The following ANO3 variants were observed in gnomAD, a reference collection of about 807,000 sequenced individuals.
ANO3 encodes the protein anoctamin 3.
ANO3 carries 99 observed loss-of-function variants against 144.8 expected under a neutral mutation model. That is an observed-to-expected ratio of 0.68 (90% CI 0.58 to 0.81). The LOEUF is 0.81. Among genes scored for constraint, ANO3 ranks in the 30% least tolerant of loss-of-function variants. ANO3 has a pLI of 0.00. For synonymous variants in ANO3, 414 were observed against 392.6 expected, an observed-to-expected ratio of 1.05 and a Z score of -0.64; for missense variants, 905 against 1,202.2, an observed-to-expected ratio of 0.75 and a Z score of 3.66.
At chr11:26,519,050 A>G (rs1861966683) in intron 6 of ANO3, among the ~76,000 whole-genome samples, 1 of 152,198 alleles carries the variant, frequency 6.6e-6, no homozygotes, top group African/African-American at 2.4e-5. Flanking sequence ...GAAAAAATCT[A>G]ATAAATTAAT....
chr11:26,422,982 G>A (rs16915665), intron 1 of ANO3, among the ~76,000 whole-genome samples: 24,258 of 151,842 alleles, frequency 0.16, 2,130 homozygotes, highest in South Asian at 0.3. Flanking sequence ...AAAAAGCACC[G>A]CATTAAAGAT....
chr11:26,499,229 T>C (rs537894570), intron 4 of ANO3, among the ~76,000 whole-genome samples: 1 of 151,990 alleles, frequency 6.6e-6, no homozygotes, highest in South Asian at 2.1e-4. Context: ...AAATATATTC[T>C]AGTTGTAACT....
At chr11:26,637,961 G>A (rs57832010) in intron 20 of ANO3, among the ~76,000 whole-genome samples, 177 of 152,134 alleles carry the variant, frequency 1.2e-3, no homozygotes, top group African/African-American at 4.2e-3. Context: ...AAAACACATC[G>A]GTTGTGATTT....
At chr11:26,210,459 C>A (rs1380585009) in intron 1 of ANO3, among the ~76,000 whole-genome samples, 3 of 152,112 alleles carry the variant, frequency 2.0e-5, no homozygotes, top group African/African-American at 7.2e-5. Context: ...ATTGTCTTGG[C>A]TATATGGGCT....
chr11:26,603,639 T>C (rs1851858850), intron 17 of ANO3, among the ~76,000 whole-genome samples: 1 of 150,780 alleles, frequency 6.6e-6, no homozygotes, highest in Non-Finnish European at 1.5e-5. Flanking sequence ...TATAAAAGTT[T>C]ACTTGATTCC....
intron 3 of ANO3, among the ~76,000 whole-genome samples, chr11:26,460,484 G>A (rs1043043026): frequency 2.7e-5 from 4 of 150,618 alleles, no homozygotes; most frequent in African/African-American, 9.8e-5. Flanking sequence ...AGGAAGGAAG[G>A]GAGGGCAGTA....
chr11:26,313,234 C>T (rs928185446), intron 1 of ANO3, among the ~76,000 whole-genome samples: 4 of 152,158 alleles, frequency 2.6e-5, no homozygotes, highest in African/African-American at 7.2e-5. Context: ...TCATTTATTG[C>T]ACCATTGCTG....
intron 1 of ANO3, among the ~76,000 whole-genome samples, chr11:26,352,463 T>C (rs988811448): frequency 6.6e-6 from 1 of 152,210 alleles, no homozygotes; most frequent in African/African-American, 2.4e-5. Flanking sequence ...AGCACTGAGG[T>C]AGAAATGAAG....
In ANO3 at chr11:26,547,520, G is replaced by C; in HGVS notation, c.1259G>C (p.Gly420Ala). 6.2e-7 allele frequency: 1 copy of C among 1,611,818 alleles called. No individual in the cohort carries two copies. Among genetic ancestry groups the C allele is most frequent in the Non-Finnish European group, 8.5e-7 (1 of 1,178,444 alleles). ...AIVGLCVFFYGLFTMNNSQVS... is the reference protein window; with the variant it reads ...AIVGLCVFFYALFTMNNSQVS... ...GTTGGTTTGTGCGTTTTCTTCTATG[G>C]ATTATTTACAATGAATAATAGTCAA... The change falls in exon 12 of 27, where the codon GGA becomes GCA. Residue 420 changes from glycine to alanine, a missense_variant. Transcript: ENST00000256737.
intron 1 of ANO3, among the ~76,000 whole-genome samples, chr11:26,441,175 T>C (rs900678403): frequency 3.6e-4 from 47 of 132,364 alleles, no homozygotes; most frequent in African/African-American, 1.3e-3. Flanking sequence ...TGGAGTGCAG[T>C]GGCGGGATCT....
intron 11 of ANO3, among the ~76,000 whole-genome samples, chr11:26,544,501 A>C (rs1451718354): frequency 6.6e-6 from 1 of 150,982 alleles, no homozygotes; most frequent in Non-Finnish European, 1.5e-5. Context: ...AAATAGGAGG[A>C]ATAAGTTCAA....
At position 26,537,666 on chromosome 11, in the gene ANO3, G is replaced by T. The variant is rs1565089212; in HGVS notation, c.1032+205G>T. Among the ~76,000 whole-genome samples, 3 of 152,078 alleles carry T rather than the reference G, an allele frequency of 2.0e-5. No homozygotes were observed. In the South Asian group the frequency reaches 6.2e-4, roughly 31 times the overall value. The stretch of plus-strand genomic sequence containing the variant: ...GCCTGTCTTCAATTTGCCCCATACT[G>T]GGAATCCCAGCCTTAGCGAGAACAC... On this transcript the variant is annotated intron_variant, in intron 10 of 26. Coordinates refer to ENST00000256737, the MANE Select transcript of ANO3 (RefSeq NM_031418.4).
intron 14 of ANO3, chr11:26,562,972 C>T (rs1410943300): frequency 6.0e-6 from 7 of 1,174,126 alleles, no homozygotes; most frequent in Non-Finnish European, 6.7e-6. Flanking sequence ...CTTTGATAAA[C>T]AGAAGGTGGA....
chr11:26,298,386 A>T (rs979014462), intron 1 of ANO3, among the ~76,000 whole-genome samples: 14 of 152,002 alleles, frequency 9.2e-5, no homozygotes, highest in African/African-American at 3.4e-4. Context: ...CTAACAAATC[A>T]TATATAAACT....
intron 4 of ANO3, among the ~76,000 whole-genome samples, chr11:26,507,537 T>G (rs1316408632): frequency 6.6e-6 from 1 of 152,236 alleles, no homozygotes; most frequent in Admixed American, 6.5e-5. Context: ...TTTTTTGGTT[T>G]CAGTATTACT....
chr11:26,334,419 A>G (rs1200648694), intron 1 of ANO3, among the ~76,000 whole-genome samples: 1 of 151,604 alleles, frequency 6.6e-6, no homozygotes, highest in Non-Finnish European at 1.5e-5. Flanking sequence ...GGAGGTATGC[A>G]ACAACAACAA....
chr11:26,316,699 G>T (rs940872200), intron 1 of ANO3, among the ~76,000 whole-genome samples: 3 of 152,092 alleles, frequency 2.0e-5, no homozygotes, highest in African/African-American at 4.8e-5. Context: ...ATATGAACAG[G>T]TGCCCCCTCA....
chr11:26,403,904 G>T (rs1456786957), intron 1 of ANO3, among the ~76,000 whole-genome samples: 1 of 151,772 alleles, frequency 6.6e-6, no homozygotes, highest in Non-Finnish European at 1.5e-5. Context: ...ATATTTGTGT[G>T]CTTTGCTTCC....
At chr11:26,306,125 A>ATTTTT (rs57674074), upstream of ANO3, among the ~76,000 whole-genome samples, 4 of 113,024 alleles carry the variant, frequency 3.5e-5, no homozygotes, top group Non-Finnish European at 3.7e-5. Context: ...AGCCCGGATA[A>ATTTTT]TTTTTTTTTT....
Sources: gnomAD v4.1 joint callset for allele counts (sites outside exome capture counted in the v4.1 genomes callset) on GRCh38, gnomAD v4.1.1 for gene constraint, MANE v1.5 for transcripts, NCBI Gene and HGNC (gene_info 2026-07-23, HGNC 2026-07-21) for gene names.